NEBL: variants seen among roughly 807,000 people sequenced by gnomAD.
NEBL encodes the protein nebulette.
A neutral mutation model predicts 140.2 loss-of-function variants in NEBL; 122 were observed. The ratio of observed to expected loss-of-function variants is 0.87; its 90% CI spans 0.75 to 1.01. NEBL has a LOEUF of 1.01. NEBL is among the 50% of genes least tolerant of loss of function. The pLI is 0.00. For synonymous variants in NEBL, 436 were observed against 398.9 expected, an observed-to-expected ratio of 1.09 and a Z score of -1.11; for missense variants, 1,365 against 1,231.3, an observed-to-expected ratio of 1.11 and a Z score of -1.62.
At position 20,819,490 on chromosome 10, in the gene NEBL, C is replaced by T. The variant is rs766046112; in HGVS notation, c.1989G>A (p.Lys663=). The T allele has an allele frequency of 1.2e-6, 2 of 1,614,014 alleles. No individual in the cohort carries two copies. Among genetic ancestry groups the T allele is most frequent in the South Asian group, 2.2e-5 (2 of 91,078 alleles). The part of the protein sequence containing the change: ...SNLQYKEQNY[K]ATPVSMTPEI... ...CCGGGGTCATGCTTACCGGAGTGGC[C>T]TTGTAGTTTTGCTCTTTATACTGGA... Residue 663 remains lysine, a synonymous_variant, in exon 20 of 28, where the codon AAG becomes AAA. Coordinates refer to ENST00000377122, the MANE Select transcript of NEBL (RefSeq NM_006393.3).
At chr10:21,109,790 G>A (rs1455691844) in intron 2 of NEBL, among the ~76,000 whole-genome samples, 1 of 152,112 alleles carries the variant, frequency 6.6e-6, no homozygotes. Context: ...TTTGCATAGA[G>A]GTGTTTATAG....
intron 5 of NEBL, among the ~76,000 whole-genome samples, chr10:20,879,146 A>T (rs1403184088): frequency 6.6e-6 from 1 of 152,212 alleles, no homozygotes; most frequent in East Asian, 1.9e-4. Context: ...TAAAAACTGC[A>T]TTTAAAACCT....
intron 3 of NEBL, among the ~76,000 whole-genome samples, chr10:21,190,630 A>G (rs1649499280): frequency 6.6e-6 from 1 of 152,248 alleles, no homozygotes; most frequent in South Asian, 2.1e-4. Context: ...AATGCAATTA[A>G]TCTCTTAATG....
chr10:20,868,422 T>G, intron 7 of NEBL: 1 of 481,116 alleles, frequency 2.1e-6, no homozygotes, highest in Non-Finnish European at 3.8e-6. Context: ...CTAGAGACAT[T>G]GAAAAATGTT....
At chr10:21,124,919 G>A (rs1222795538) in intron 2 of NEBL, among the ~76,000 whole-genome samples, 1 of 152,174 alleles carries the variant, frequency 6.6e-6, no homozygotes, top group African/African-American at 2.4e-5. Context: ...ACGATCACAG[G>A]ACTGTACTCC....
intron 26 of NEBL, among the ~76,000 whole-genome samples, chr10:20,796,166 C>A (rs1836498025): frequency 6.6e-6 from 1 of 151,822 alleles, no homozygotes; most frequent in Non-Finnish European, 1.5e-5. Flanking sequence ...GAGTTCGAGA[C>A]CAGCCTGGCC....
intron 3 of NEBL, among the ~76,000 whole-genome samples, chr10:21,213,016 C>T (rs1841940940): frequency 6.6e-6 from 1 of 152,030 alleles, no homozygotes; most frequent in Non-Finnish European, 1.5e-5. Flanking sequence ...CGTGACAAAA[C>T]GAAGGCAATG....
At chr10:21,226,211 C>A (rs1432435910) in intron 3 of NEBL, among the ~76,000 whole-genome samples, 2 of 152,036 alleles carry the variant, frequency 1.3e-5, no homozygotes, top group Admixed American at 1.3e-4. Flanking sequence ...GGCCTCAGGA[C>A]TCTGCCTGGT....
intron 2 of NEBL, among the ~76,000 whole-genome samples, chr10:21,144,869 TG>T (rs1839818845): frequency 2.0e-5 from 3 of 151,942 alleles, no homozygotes; most frequent in African/African-American, 7.2e-5. Flanking sequence ...GTGGTTAGCA[TG>T]GGCTCTCTCC....
At chr10:20,994,655 T>C (rs1837595822) in intron 3 of NEBL, among the ~76,000 whole-genome samples, 1 of 152,242 alleles carries the variant, frequency 6.6e-6, no homozygotes, top group South Asian at 2.1e-4. Flanking sequence ...TATAGCCTGC[T>C]ATTCACTGGA....
At chr10:21,186,071 C>T (rs2132211195) in intron 3 of NEBL, among the ~76,000 whole-genome samples, 1 of 152,106 alleles carries the variant, frequency 6.6e-6, no homozygotes, top group African/African-American at 2.4e-5. Flanking sequence ...TCTAATTTCC[C>T]ATCACTTCAT....
chr10:21,062,603 C>T (rs1258033821), intron 2 of NEBL, among the ~76,000 whole-genome samples: 4 of 152,130 alleles, frequency 2.6e-5, no homozygotes, highest in East Asian at 1.9e-4. Flanking sequence ...AGGAGGATCG[C>T]TTGAGCCCAG....
At chr10:21,199,225 G>GT (rs1443625989) in intron 3 of NEBL, among the ~76,000 whole-genome samples, 1 of 151,724 alleles carries the variant, frequency 6.6e-6, no homozygotes, top group African/African-American at 2.4e-5. Context: ...GATGGGGGGG[G>GT]TCTCACTATG....
At chr10:21,280,180 C>T (rs1015953494) in intron 1 of NEBL, among the ~76,000 whole-genome samples, 2 of 152,084 alleles carry the variant, frequency 1.3e-5, no homozygotes, top group African/African-American at 4.8e-5. Flanking sequence ...CCCCGTGATG[C>T]CCCTATAGCA....
intron 2 of NEBL, among the ~76,000 whole-genome samples, chr10:20,896,483 CATATATAT>C (rs57289458): frequency 1.3e-3 from 116 of 88,090 alleles, no homozygotes; most frequent in African/African-American, 2.5e-3. Flanking sequence ...ATATTATATG[CATATATAT>C]ATATATATAT....
chr10:21,062,508 A>T (rs750109019), intron 2 of NEBL, among the ~76,000 whole-genome samples: 9 of 151,900 alleles, frequency 5.9e-5, no homozygotes, highest in African/African-American at 9.7e-5. Context: ...AAAAAAAATT[A>T]AAAAATAAAA....
chr10:21,089,702 C>A (rs565041373), intron 2 of NEBL, among the ~76,000 whole-genome samples: 36 of 152,232 alleles, frequency 2.4e-4, no homozygotes, highest in African/African-American at 8.2e-4. Flanking sequence ...GAGGCAGAGG[C>A]ATCCTTCACT....
chr10:21,084,215 C>A (rs1221804703), intron 2 of NEBL, among the ~76,000 whole-genome samples: 1 of 152,172 alleles, frequency 6.6e-6, no homozygotes, highest in Non-Finnish European at 1.5e-5. Flanking sequence ...TTCATTTAAC[C>A]GCAAGTGGTC....
At position 20,826,552 on chromosome 10, in the gene NEBL, A is replaced by C. The variant is rs1839893782; in HGVS notation, c.1777-13T>G. On this transcript the variant is annotated splice_polypyrimidine_tract_variant and intron_variant, in intron 17 of 27. Transcript: ENST00000377122. ...TCTTATAAAATACCTTTATTATAAG[A>C]AAAGGAAAAGAATAACTAAGCTTGT... The C allele has an allele frequency of 6.3e-7, 1 of 1,574,804 alleles. No individual in the cohort carries two copies. The highest frequency in any genetic ancestry group is 8.7e-7 in the Non-Finnish European group (1 of 1,145,984).
Sources: allele counts gnomAD v4.1 joint callset (sites outside exome capture counted in the v4.1 genomes callset), GRCh38; gene constraint gnomAD v4.1.1; transcripts MANE v1.5; gene names NCBI Gene and HGNC (gene_info 2026-07-23, HGNC 2026-07-21).